NYAP2: variants seen among roughly 807,000 people sequenced by gnomAD.
The protein encoded by NYAP2 is neuronal tyrosine-phosphorylated phosphoinositide-3-kinase adaptor 2, also known as neuronal tyrosine-phosphorylated phosphoinositide-3-kinase adapter 2.
A neutral mutation model predicts 50.4 loss-of-function variants in NYAP2; 23 were observed. The observed-to-expected ratio is 0.46, with a 90% CI of 0.33 to 0.65. NYAP2 has a LOEUF of 0.65. Among genes scored for constraint, NYAP2 ranks in the 30% least tolerant of loss-of-function variants. The probability of loss-of-function intolerance (pLI) is 0.02; values close to 1 mark genes in which losing one functional copy is unlikely to be tolerated. For synonymous variants in NYAP2, 394 were observed against 365.2 expected, an observed-to-expected ratio of 1.08 and a Z score of -0.90; for missense variants, 885 against 861.0, an observed-to-expected ratio of 1.03 and a Z score of -0.35.
At chr2:225,654,263 C>T (rs1209069697), downstream of NYAP2, among the ~76,000 whole-genome samples, 5 of 152,172 alleles carry the variant, frequency 3.3e-5, no homozygotes, top group Non-Finnish European at 7.3e-5. Flanking sequence ...AACAATCCCT[C>T]TGGTCACTTT....
chr2:225,649,190 T>C (rs1693689669), intron 6 of NYAP2, among the ~76,000 whole-genome samples: 1 of 152,230 alleles, frequency 6.6e-6, no homozygotes, highest in Admixed American at 6.5e-5. Context: ...ATTTTGCATG[T>C]AATTCAGTTT....
intron 5 of NYAP2, among the ~76,000 whole-genome samples, chr2:225,624,441 CTAAGT>C (rs1286969669): frequency 2.6e-5 from 4 of 152,170 alleles, no homozygotes; most frequent in African/African-American, 9.7e-5. Context: ...ATTGGGGAAG[CTAAGT>C]TGTTACTCAA....
chr2:225,453,834 A>ATTTTT lies in NYAP2; in HGVS notation c.221+44751_221+44755dup, dbSNP rs766421405. On this transcript the variant is annotated intron_variant, in intron 3 of 6. Transcript: ENST00000636099. ...AGGTGCCCTCCACCACGCCCGGCTA[A>ATTTTT]TTTTTTTTTTTTTTTTTTTTTTAGT... Among the ~76,000 whole-genome samples, 58 of 126,592 alleles carry ATTTTT rather than the reference A, an allele frequency of 4.6e-4. 1 individual carries two copies. Among genetic ancestry groups the ATTTTT allele is most frequent in the Non-Finnish European group, 5.0e-5 (3 of 59,516 alleles). The allele number at this position is 126,592 out of a possible 152,430, so 83.0% of individuals were successfully genotyped here. A position where few individuals can be genotyped will look rare whatever the true frequency, so the allele number is the denominator to read the frequency against.
At chr2:225,464,860 G>T (rs1308458406) in intron 3 of NYAP2, among the ~76,000 whole-genome samples, 2 of 152,158 alleles carry the variant, frequency 1.3e-5, no homozygotes, top group Non-Finnish European at 2.9e-5. Flanking sequence ...GGCAGTTTCA[G>T]TTTCATTTTT....
intron 4 of NYAP2, among the ~76,000 whole-genome samples, chr2:225,578,661 A>G (rs1462301801): frequency 6.6e-6 from 1 of 152,160 alleles, no homozygotes; most frequent in Non-Finnish European, 1.5e-5. Flanking sequence ...CATAGTTGTA[A>G]AAGTTAAGGA....
intron 6 of NYAP2, among the ~76,000 whole-genome samples, chr2:225,635,893 G>A (rs774531178): frequency 2.0e-4 from 30 of 152,056 alleles, no homozygotes; most frequent in Non-Finnish European, 4.0e-4. Context: ...CAAGGATGTG[G>A]GAATCACAAG....
intron 3 of NYAP2, among the ~76,000 whole-genome samples, chr2:225,450,952 G>T (rs1015699351): frequency 6.6e-6 from 1 of 152,106 alleles, no homozygotes; most frequent in Non-Finnish European, 1.5e-5. Flanking sequence ...TTTTGGAATA[G>T]ATGAAAAAAT....
intron 6 of NYAP2, among the ~76,000 whole-genome samples, chr2:225,647,993 T>A (rs1299042809): frequency 6.6e-6 from 1 of 152,158 alleles, no homozygotes; most frequent in Non-Finnish European, 1.5e-5. Context: ...CATATGTATG[T>A]ATATAATTTA....
intron 6 of NYAP2, among the ~76,000 whole-genome samples, chr2:225,629,415 T>C (rs952431132): frequency 1.3e-5 from 2 of 152,186 alleles, no homozygotes; most frequent in South Asian, 4.1e-4. Flanking sequence ...GAAAAAATGT[T>C]TTACTAGCTA....
chr2:225,613,595 C>G (rs1317630577), intron 5 of NYAP2, among the ~76,000 whole-genome samples: 1 of 152,158 alleles, frequency 6.6e-6, no homozygotes, highest in Non-Finnish European at 1.5e-5. Flanking sequence ...GAGTCTAGTG[C>G]AGCATCTGAC....
At chr2:225,667,733 A>T in the NYAP2 span, among the ~76,000 whole-genome samples, 1 of 152,216 alleles carries the variant, frequency 6.6e-6, no homozygotes, top group Non-Finnish European at 1.5e-5. Flanking sequence ...ATGAATCTTC[A>T]ATGGATAGAA....
intron 2 of NYAP2, among the ~76,000 whole-genome samples, chr2:225,405,457 G>C (rs9288606): frequency 0.79 from 120,338 of 151,972 alleles, 47,887 homozygotes; most frequent in Non-Finnish European, 0.82. Context: ...TAATATCTAA[G>C]AGTCAAAATG....
chr2:225,451,040 C>G (rs991371393), intron 3 of NYAP2, among the ~76,000 whole-genome samples: 2 of 152,000 alleles, frequency 1.3e-5, no homozygotes, highest in Non-Finnish European at 2.9e-5. Flanking sequence ...GGACTTAATG[C>G]TAAATAGTAA....
chr2:225,648,437 A>G (rs999216705), intron 6 of NYAP2, among the ~76,000 whole-genome samples: 2 of 152,222 alleles, frequency 1.3e-5, no homozygotes, highest in Non-Finnish European at 2.9e-5. Flanking sequence ...ACATTTTTGA[A>G]CAAGATGAGT....
Position 225,530,560 on chromosome 2 carries a change from A to T in NYAP2, c.523+16888A>T, listed in dbSNP as rs12053018. ...CTAATTTTCATCTTCTTACTACTCT[A>T]TTTGTCTCCTTGAGGGTGTCTGTTG... On this transcript the variant is annotated intron_variant, in intron 4 of 6. Transcript: ENST00000636099. Among the ~76,000 whole-genome samples, 52 of 151,912 alleles carry T rather than the reference A, an allele frequency of 3.4e-4. No homozygotes were observed. The South Asian group carries it at 7.1e-3, about 21-fold the overall frequency.
intron 4 of NYAP2, among the ~76,000 whole-genome samples, chr2:225,528,931 G>T (rs1361488133): frequency 6.6e-6 from 1 of 152,174 alleles, no homozygotes; most frequent in Non-Finnish European, 1.5e-5. Context: ...ACATCAAAAA[G>T]CATGTCTGCA....
At chr2:225,527,204 G>T (rs1032693012) in intron 4 of NYAP2, among the ~76,000 whole-genome samples, 1 of 152,182 alleles carries the variant, frequency 6.6e-6, no homozygotes, top group African/African-American at 2.4e-5. Context: ...CATTACCCAT[G>T]TTGTTGGCAC....
At chr2:225,544,821 T>C (rs1019281753) in intron 4 of NYAP2, among the ~76,000 whole-genome samples, 2 of 152,204 alleles carry the variant, frequency 1.3e-5, no homozygotes, top group Admixed American at 1.3e-4. Context: ...TAATATTCTT[T>C]TCTTTTTGAT....
At chr2:225,648,628 A>G (rs1260043569) in intron 6 of NYAP2, among the ~76,000 whole-genome samples, 2 of 152,178 alleles carry the variant, frequency 1.3e-5, no homozygotes. Context: ...CTAAACTGAA[A>G]AAGTACAAGA....
Sources: gnomAD v4.1 joint callset for allele counts (sites outside exome capture counted in the v4.1 genomes callset) on GRCh38, gnomAD v4.1.1 for gene constraint, MANE v1.5 for transcripts, NCBI Gene and HGNC (gene_info 2026-07-23, HGNC 2026-07-21) for gene names.